Variants in ADGRA3 observed in about 807,000 individuals in gnomAD.
The protein encoded by ADGRA3 is G-protein coupled receptor 125.
ADGRA3 carries 56 observed loss-of-function variants against 119.8 expected under a neutral mutation model. That is an observed-to-expected ratio of 0.47 (90% CI 0.38 to 0.58). The LOEUF is 0.58. ADGRA3 is among the 20% of genes least tolerant of loss of function. ADGRA3 has a pLI of 0.00. For synonymous variants in ADGRA3, 607 were observed against 623.8 expected, an observed-to-expected ratio of 0.97 and a Z score of 0.40; for missense variants, 1,516 against 1,649.0, an observed-to-expected ratio of 0.92 and a Z score of 1.40.
chr4:22,421,984 G>A (rs574111475), intron 11 of ADGRA3, among the ~76,000 whole-genome samples: 1 of 149,450 alleles, frequency 6.7e-6, no homozygotes, highest in Admixed American at 6.7e-5. Context: ...ACCTGCCCTA[G>A]AGTTTTAAAG....
intron 6 of ADGRA3, among the ~76,000 whole-genome samples, chr4:22,444,566 T>C (rs1327333420): frequency 6.6e-6 from 1 of 152,172 alleles, no homozygotes; most frequent in African/African-American, 2.4e-5. Flanking sequence ...GCCCTGCCTG[T>C]ATCAGTCTTT....
rs570014692 is a variant in ADGRA3, at chr4:22,475,086, C to T, written c.258-1243G>A. ...TCCCTGCAGATTAACATATCAGAGC[C>T]TTTTCTTTTAGGAATTCCTAAAGTG... On this transcript the variant is annotated intron_variant, in intron 1 of 18. Transcript: ENST00000334304. 1.1e-4 allele frequency among the ~76,000 whole-genome samples: 16 copies of T among 152,238 alleles called. No individual in the cohort carries two copies. In the South Asian group the frequency reaches 1.2e-3, roughly 12 times the overall value.
intron 3 of ADGRA3, chr4:22,455,676 C>T (rs74807855): frequency 0.018 from 6,165 of 343,990 alleles, 107 homozygotes; most frequent in Non-Finnish European, 0.021. Context: ...TGTTCTATCC[C>T]TCTTTATTTA....
At chr4:22,473,629 T>C (rs564681489) in intron 2 of ADGRA3, 143 bp downstream of exon 2, 25 of 550,984 alleles carry the variant, frequency 4.5e-5, no homozygotes, top group Non-Finnish European at 7.9e-5. Flanking sequence ...ATAAAGTTCT[T>C]AAAATTTTTC....
intron 3 of ADGRA3, among the ~76,000 whole-genome samples, chr4:22,457,635 A>G (rs1717285993): frequency 6.6e-6 from 1 of 152,256 alleles, no homozygotes; most frequent in African/African-American, 2.4e-5. Context: ...TGCCTGGTAC[A>G]ATATCAGTAA....
chr4:22,400,393 C>G lies in ADGRA3; in HGVS notation c.2481+1038G>C, dbSNP rs78433068. On this transcript the variant is annotated intron_variant, in intron 16 of 18. Transcript: ENST00000334304. ...AAAAGAGGAAAATCATATTCACCAACATAGATGAACGTTGAAACATTATGC... is the reference window on the plus strand; with the variant it reads ...AAAAGAGGAAAATCATATTCACCAAGATAGATGAACGTTGAAACATTATGC... 2.7e-3 allele frequency among the ~76,000 whole-genome samples: 416 copies of G among 152,202 alleles called. 14 individuals carry two copies. The highest frequency in any genetic ancestry group is 0.018 in the East Asian group (95 of 5,174).
intron 1 of ADGRA3, among the ~76,000 whole-genome samples, chr4:22,475,603 T>C (rs1718012356): frequency 6.6e-6 from 1 of 152,064 alleles, no homozygotes; most frequent in Non-Finnish European, 1.5e-5. Context: ...GGTGGGCACC[T>C]ATATTCCCAG....
intron 17 of ADGRA3, among the ~76,000 whole-genome samples, chr4:22,390,533 A>G (rs576085685): frequency 1.3e-5 from 2 of 151,374 alleles, no homozygotes; most frequent in African/African-American, 4.9e-5. Context: ...CCTTCTGCCA[A>G]CGCTGGTACC....
chr4:22,389,714 C>T (rs1714030375), intron 17 of ADGRA3, among the ~76,000 whole-genome samples: 1 of 152,100 alleles, frequency 6.6e-6, no homozygotes, highest in Non-Finnish European at 1.5e-5. Context: ...AGCAGCTTCA[C>T]AGAGTGCAGA....
At position 22,487,433 on chromosome 4, in the gene ADGRA3, G is replaced by T. The variant is rs572404442; in HGVS notation, c.258-13590C>A. On this transcript the variant is annotated intron_variant, in intron 1 of 18. Transcript: ENST00000334304. ...TCATACTCCTGTGAGAATTCTTAAC[G>T]CTCAGCTGATCTGACAGGTGGTGGA... is the stretch of plus-strand genomic sequence containing the variant. Among the ~76,000 whole-genome samples, 10 of 152,180 alleles carry T rather than the reference G, an allele frequency of 6.6e-5. No homozygotes were observed. In the South Asian group the frequency reaches 1.0e-3, roughly 16 times the overall value.
intron 2 of ADGRA3, among the ~76,000 whole-genome samples, chr4:22,473,498 C>T (rs576106146): frequency 1.3e-5 from 2 of 152,308 alleles, no homozygotes; most frequent in African/African-American, 4.8e-5. Context: ...TACTCATTGG[C>T]TTATTATCTA....
At position 22,398,281 on chromosome 4, in the gene ADGRA3, T is replaced by C. The variant is rs567778155; in HGVS notation, c.2481+3150A>G. The C allele has an allele frequency of 3.1e-4, 81 of 265,118 alleles. 2 individuals carry two copies. In the South Asian group the frequency reaches 0.01, roughly 33 times the overall value. The allele number at this position is 265,118 out of a possible 1,614,324, so 16.4% of individuals were successfully genotyped here. A position where few individuals can be genotyped will look rare whatever the true frequency, so the allele number is the denominator to read the frequency against. ...TTGAGTCATTTAATCCTCTCAACAA[T>C]TGTTACACACACACATTTTAAATTG... On this transcript the variant is annotated intron_variant, in intron 16 of 18. Coordinates refer to ENST00000334304, the MANE Select transcript of ADGRA3 (RefSeq NM_145290.4).
At chr4:22,482,340 T>A (rs986001600) in intron 1 of ADGRA3, among the ~76,000 whole-genome samples, 2 of 152,118 alleles carry the variant, frequency 1.3e-5, no homozygotes, top group Admixed American at 6.6e-5. Context: ...GCAGTGAATA[T>A]ACTCAATCAT....
intron 14 of ADGRA3, among the ~76,000 whole-genome samples, chr4:22,404,378 C>A (rs1238075140): frequency 6.6e-6 from 1 of 152,104 alleles, no homozygotes; most frequent in Non-Finnish European, 1.5e-5. Flanking sequence ...AATTACAGAT[C>A]TAAAAAGATG....
At chr4:22,412,069 G>A (rs982434188) in intron 14 of ADGRA3, among the ~76,000 whole-genome samples, 1 of 152,000 alleles carries the variant, frequency 6.6e-6, no homozygotes, top group African/African-American at 2.4e-5. Context: ...TTCATGAAAT[G>A]TAAAATATAT....
intron 15 of ADGRA3, 121 bp downstream of exon 15, chr4:22,402,554 T>C: frequency 1.1e-6 from 1 of 951,766 alleles, no homozygotes; most frequent in South Asian, 1.6e-5. Context: ...TATTCTAAAG[T>C]CATCATCCTT....
intron 2 of ADGRA3, among the ~76,000 whole-genome samples, chr4:22,463,080 G>A (rs1717529558): frequency 6.6e-6 from 1 of 152,160 alleles, no homozygotes; most frequent in Non-Finnish European, 1.5e-5. Flanking sequence ...AAGCCAGAGT[G>A]GCCTCTGCTC....
intron 3 of ADGRA3, among the ~76,000 whole-genome samples, chr4:22,461,380 A>C (rs1202325988): frequency 6.6e-6 from 1 of 152,220 alleles, no homozygotes; most frequent in Non-Finnish European, 1.5e-5. Context: ...AGCTCATTGT[A>C]GTCTCCCATT....
At chr4:22,434,843 A>G (rs1402486953) in intron 10 of ADGRA3, among the ~76,000 whole-genome samples, 1 of 152,192 alleles carries the variant, frequency 6.6e-6, no homozygotes, top group Non-Finnish European at 1.5e-5. Context: ...GTATAGTCCA[A>G]TCATTTTGAA....
Sources: gnomAD v4.1 joint callset for allele counts (sites outside exome capture counted in the v4.1 genomes callset) on GRCh38, gnomAD v4.1.1 for gene constraint, MANE v1.5 for transcripts, NCBI Gene and HGNC (gene_info 2026-07-23, HGNC 2026-07-21) for gene names.